Variants in SNX13 observed in about 807,000 individuals in gnomAD.
SNX13 encodes sorting nexin 13.
Under a neutral mutation model 133.6 loss-of-function variants are expected in SNX13, and 45 were observed. The ratio of observed to expected loss-of-function variants is 0.34; its 90% CI spans 0.27 to 0.43. The LOEUF (loss-of-function observed/expected upper bound fraction) is 0.43, where lower values mean the gene tolerates loss of function less well. Ranked by LOEUF, SNX13 falls within the 20% of genes least tolerant of loss-of-function variation. SNX13 has a pLI of 1.00. For missense variants in SNX13, 1,032 were observed against 1,145.1 expected (o/e 0.90, Z 1.43); for synonymous variants, 414 against 373.9 (o/e 1.11, Z -1.24).
chr7:17,885,022 T>A (rs901999470), intron 5 of SNX13, among the ~76,000 whole-genome samples: 1 of 152,148 alleles, frequency 6.6e-6, no homozygotes, highest in Non-Finnish European at 1.5e-5. Flanking sequence ...AATGGAAACA[T>A]TTGTCCCTCA....
intron 15 of SNX13, chr7:17,831,320 A>C (rs1788460753): frequency 2.2e-6 from 2 of 919,170 alleles, no homozygotes; most frequent in African/African-American, 3.6e-5. Flanking sequence ...TTAAAATTTA[A>C]AAAGGAAAGC....
At chr7:17,824,774 CTT>C (rs35168851) in intron 17 of SNX13, among the ~76,000 whole-genome samples, 1 of 146,870 alleles carries the variant, frequency 6.8e-6, no homozygotes, top group Admixed American at 6.8e-5. Flanking sequence ...GAAGAAATAA[CTT>C]TTTTTTTTTT....
chr7:17,821,141 C>T (rs932968714), intron 18 of SNX13, among the ~76,000 whole-genome samples: 1 of 152,050 alleles, frequency 6.6e-6, no homozygotes, highest in Non-Finnish European at 1.5e-5. Context: ...TTAAATTATG[C>T]CTTCAAAAAC....
intron 1 of SNX13, among the ~76,000 whole-genome samples, chr7:17,934,727 G>A (rs184553792): frequency 6.6e-6 from 1 of 152,290 alleles, no homozygotes; most frequent in East Asian, 1.9e-4. Context: ...CAAAGGGCTT[G>A]AATAGACATG....
intron 13 of SNX13, among the ~76,000 whole-genome samples, chr7:17,837,912 A>C (rs1264387589): frequency 1.3e-5 from 2 of 151,680 alleles, no homozygotes; most frequent in Admixed American, 6.6e-5. Flanking sequence ...TTTTATCACA[A>C]CCTACATGTA....
At chr7:17,831,043 T>A (rs1259063454) in intron 15 of SNX13, 1 of 984,256 alleles carries the variant, frequency 1.0e-6, no homozygotes, top group East Asian at 1.1e-4. Flanking sequence ...AATAGTTATC[T>A]ATCCTCCTTA....
At chr7:17,834,682 T>C in intron 14 of SNX13, 79 bp downstream of exon 14, 3 of 922,948 alleles carry the variant, frequency 3.3e-6, no homozygotes, top group Non-Finnish European at 4.7e-6. Flanking sequence ...TTTTAGAAAG[T>C]TTTTAAAAAC....
At chr7:17,879,024 T>C (rs923619711) in intron 5 of SNX13, among the ~76,000 whole-genome samples, 2 of 152,188 alleles carry the variant, frequency 1.3e-5, no homozygotes, top group African/African-American at 4.8e-5. Context: ...CAACCTTCAC[T>C]GACCCCCACC....
At chr7:17,817,950 T>C (rs1786850293) in intron 18 of SNX13, among the ~76,000 whole-genome samples, 1 of 152,130 alleles carries the variant, frequency 6.6e-6, no homozygotes, top group Admixed American at 6.5e-5. Flanking sequence ...GTGACTGAAT[T>C]GAGAGATAAA....
At chr7:17,813,434 CTTA>C (rs1210470764) in intron 20 of SNX13, among the ~76,000 whole-genome samples, 6 of 152,118 alleles carry the variant, frequency 3.9e-5, no homozygotes, top group African/African-American at 1.4e-4. Flanking sequence ...CACCCTAGAA[CTTA>C]TTATTAAAAG....
chr7:17,819,507 G>A (rs1787044477), intron 18 of SNX13, among the ~76,000 whole-genome samples: 1 of 152,138 alleles, frequency 6.6e-6, no homozygotes, highest in South Asian at 2.1e-4. Flanking sequence ...AATTACAGGC[G>A]TGAGGCACCG....
chr7:17,799,354 C>G (rs948689651), intron 22 of SNX13, among the ~76,000 whole-genome samples, 200 bp from the exon 23 acceptor site: 6 of 151,520 alleles, frequency 4.0e-5, no homozygotes, highest in African/African-American at 1.5e-4. Flanking sequence ...ACTTCATAGC[C>G]CCACAATAAT....
chr7:17,830,654 G>C, intron 15 of SNX13: 4 of 983,490 alleles, frequency 4.1e-6, no homozygotes, highest in Non-Finnish European at 4.8e-6. Context: ...ATTAATGTGA[G>C]AGAATAAGTC....
chr7:17,916,194 A>G (rs1284998196), intron 1 of SNX13, among the ~76,000 whole-genome samples: 1 of 152,022 alleles, frequency 6.6e-6, no homozygotes, highest in Non-Finnish European at 1.5e-5. Flanking sequence ...AAGGAGATAG[A>G]CGTCCAATTA....
chr7:17,830,504 T>C lies in SNX13; in HGVS notation c.1598-457A>G, dbSNP rs535536219. The stretch of plus-strand genomic sequence containing the variant: ...GAGGGATAAACAGACTTATTTTTAA[T>C]AGGTCTATTAAGTCCTCTTATTCTT... On this transcript the variant is annotated intron_variant, in intron 15 of 25. Transcript: ENST00000428135. 3 of 984,190 alleles carry C rather than the reference T, an allele frequency of 3.0e-6. No homozygotes were observed. The East Asian group carries it at 3.4e-4, about 112-fold the overall frequency. 61.0% of individuals were successfully genotyped at this position (984,190 alleles called of 1,614,324 possible).
chr7:17,832,676 T>G (rs1464191435), intron 15 of SNX13, among the ~76,000 whole-genome samples: 5 of 151,550 alleles, frequency 3.3e-5, no homozygotes, highest in Non-Finnish European at 3.0e-5. Flanking sequence ...AATTTTACCA[T>G]TCAACTCAGA....
In SNX13 at chr7:17,834,837, T is replaced by C. The variant is rs760365859; in HGVS notation, c.1388A>G (p.Tyr463Cys). ...AGTATCTGCTAATTTTGCTACTAAA[T>C]AGTCATCAACAGTAACTCTTGGAGA... ...KASPRVTVDD[Y>C]LVAKLADTLN... The change falls in exon 14 of 26, where the codon TAT (tyrosine) becomes TGT (cysteine). Residue 463 changes from tyrosine (Y) to cysteine (C), a missense_variant. Physicochemically the swap from Tyr to Cys is radical, Grantham distance 194. Coordinates refer to ENST00000428135, the MANE Select transcript of SNX13 (RefSeq NM_015132.5). The C allele has an allele frequency of 1.4e-5, 22 of 1,609,166 alleles. No homozygotes were observed. Among genetic ancestry groups the C allele is most frequent in the Non-Finnish European group, 1.4e-5 (17 of 1,176,772 alleles).
At chr7:17,854,870 A>AT in intron 9 of SNX13, among the ~76,000 whole-genome samples, 1 of 152,272 alleles carries the variant, frequency 6.6e-6, no homozygotes, top group South Asian at 2.1e-4. Flanking sequence ...CATATCTTTC[A>AT]TTTTCAATCA....
At chr7:17,878,235 A>G (rs1240128552) in intron 5 of SNX13, among the ~76,000 whole-genome samples, 1 of 152,190 alleles carries the variant, frequency 6.6e-6, no homozygotes, top group African/African-American at 2.4e-5. Flanking sequence ...TAGAATTCTT[A>G]GTAAAACAAC....
Sources: gnomAD v4.1 joint callset for allele counts (sites outside exome capture counted in the v4.1 genomes callset) on GRCh38, gnomAD v4.1.1 for gene constraint, MANE v1.5 for transcripts, NCBI Gene and HGNC (gene_info 2026-07-23, HGNC 2026-07-21) for gene names.